The following OR2T8 variants were observed in gnomAD, a reference collection of about 807,000 sequenced individuals.
OR2T8 encodes the protein olfactory receptor 2T8.
For missense variants in OR2T8, 161 were observed against 389.4 expected (o/e 0.41, Z 4.94); for synonymous variants, 56 against 154.3 (o/e 0.36, Z 4.72).
In OR2T8 at chr1:247,922,374, A is replaced by T. The variant is rs941838166; in HGVS notation, c.*418A>T. On this transcript the variant is annotated 3_prime_UTR_variant, in exon 2 of 2. Coordinates refer to ENST00000641945, the MANE Select transcript of OR2T8 (RefSeq NM_001005522.2). Reference sequence around the variant, plus strand: ...AAATATCTACCCTGGTAATTCACCCATTAGGAAGAGACACCATTTTCACCA... The same window carrying T: ...AAATATCTACCCTGGTAATTCACCCTTTAGGAAGAGACACCATTTTCACCA... Among the ~76,000 whole-genome samples, 3 of 152,214 alleles carry T rather than the reference A, an allele frequency of 2.0e-5. No individual in the cohort carries two copies. Among genetic ancestry groups the T allele is most frequent in the African/African-American group, 7.2e-5 (3 of 41,452 alleles).
At position 247,922,117 on chromosome 1, in the gene OR2T8, C is replaced by T. The variant is rs1170963176; in HGVS notation, c.*161C>T. ...CAGATGAATCTTCATTCCTCGGGTT[C>T]ATTTACTCAGCTATCATTACCCAAT... is the stretch of plus-strand genomic sequence containing the variant. On this transcript the variant is annotated 3_prime_UTR_variant, in exon 2 of 2. Transcript: ENST00000641945. The T allele has an allele frequency of 3.1e-6, 1 of 319,754 alleles. No individual in the cohort carries two copies. The highest frequency in any genetic ancestry group is 6.5e-5 in the Admixed American group (1 of 15,434). 19.8% of individuals were successfully genotyped at this position (319,754 alleles called of 1,614,324 possible).
In OR2T8 at chr1:247,921,073, C is replaced by G. The variant is rs111864667; in HGVS notation, c.56C>G (p.Thr19Ser). 5.9e-4 allele frequency: 953 copies of G among 1,611,086 alleles called. 8 individuals carry two copies. In the African/African-American group the frequency reaches 0.012, roughly 20 times the overall value. The change falls in exon 2 of 2, where the codon ACC (threonine) becomes AGC (serine). Residue 19 changes from threonine to serine, a missense_variant. Thr to Ser is a moderately conservative substitution (Grantham distance 58). Coordinates refer to ENST00000641945, the MANE Select transcript of OR2T8 (RefSeq NM_001005522.2). ...ATTCTCCTAGGACTCTTTAACCACA[C>G]CAGAGCCCACCAAGTCCTCTTCATG... is the stretch of plus-strand genomic sequence containing the variant. ...YFILLGLFNH[T>S]RAHQVLFMMV...
Position 247,921,017 on chromosome 1 carries a change from C to G in OR2T8, c.-1C>G. 6.3e-7 allele frequency: 1 copy of G among 1,593,790 alleles called. No homozygotes were observed. ...TTGCAGTGTCACTCTTATTTGAAATCATGGAAAATGGGAGCTATACCTCTT... is the reference window on the plus strand; with the variant it reads ...TTGCAGTGTCACTCTTATTTGAAATGATGGAAAATGGGAGCTATACCTCTT... On this transcript the variant is annotated 5_prime_UTR_variant, in exon 2 of 2. In the 5' UTR this introduces an upstream ATG that the reference lacks. Transcript: ENST00000641945.
At position 247,922,905 on chromosome 1, in the gene OR2T8, T is replaced by C. The variant is rs970789534; in HGVS notation, c.*949T>C. On this transcript the variant is annotated 3_prime_UTR_variant, in exon 2 of 2. Coordinates refer to ENST00000641945, the MANE Select transcript of OR2T8 (RefSeq NM_001005522.2). Reference sequence around the variant, plus strand: ...TTCATTTTAGCAATTCTTCTGAGTGTAGTAGGAACTCAGTTTGCTTTTAAT... The same window carrying C: ...TTCATTTTAGCAATTCTTCTGAGTGCAGTAGGAACTCAGTTTGCTTTTAAT... Among the ~76,000 whole-genome samples the C allele has an allele frequency of 6.6e-6, 1 of 152,234 alleles. No homozygotes were observed. The highest frequency in any genetic ancestry group is 2.1e-4 in the South Asian group (1 of 4,834).
In OR2T8 at chr1:247,921,032, C is replaced by A; in HGVS notation, c.15C>A (p.Ser5Arg). MENG[S>R]YTSYFILLGL... Reference sequence around the variant, plus strand: ...TATTTGAAATCATGGAAAATGGGAGCTATACCTCTTATTTCATTCTCCTAG... The same window carrying A: ...TATTTGAAATCATGGAAAATGGGAGATATACCTCTTATTTCATTCTCCTAG... Residue 5 changes from serine to arginine, a missense_variant, in exon 2 of 2, where the codon AGC (serine) becomes AGA (arginine). Transcript: ENST00000641945. The A allele has an allele frequency of 6.2e-7, 1 of 1,607,300 alleles. No homozygotes were observed. Among genetic ancestry groups the A allele is most frequent in the Non-Finnish European group, 8.5e-7 (1 of 1,175,604 alleles).
Position 247,921,236 on chromosome 1 carries a change from C to T in OR2T8, c.219C>T (p.Ser73=). The change falls in exon 2 of 2, where the codon TCC becomes TCT. Residue 73 remains serine, a synonymous_variant. Coordinates refer to ENST00000641945, the MANE Select transcript of OR2T8 (RefSeq NM_001005522.2). ...CCCTCATGGACGTGATGCTGGTTTC[C>T]ACCACTGTGCCCAAAATGGCGGCTG... The part of the protein sequence containing the change: ...QLSLMDVMLV[S]TTVPKMAADY... The T allele has an allele frequency of 6.3e-7, 1 of 1,598,680 alleles. No individual in the cohort carries two copies. Among genetic ancestry groups the T allele is most frequent in the Non-Finnish European group, 8.5e-7 (1 of 1,175,640 alleles).
In OR2T8 at chr1:247,922,874, G is replaced by T. The variant is rs1223629311; in HGVS notation, c.*918G>T. On this transcript the variant is annotated 3_prime_UTR_variant, in exon 2 of 2. Transcript: ENST00000641945. ...AGTTCCTGTTGCTCCAAATGTCGAT[G>T]TTTTCTTCATTTTAGCAATTCTTCT... Among the ~76,000 whole-genome samples, 2 of 152,142 alleles carry T rather than the reference G, an allele frequency of 1.3e-5. No individual in the cohort carries two copies. The highest frequency in any genetic ancestry group is 3.8e-4 in the East Asian group (2 of 5,200).
chr1:247,921,027 G>A lies in OR2T8; in HGVS notation c.10G>A (p.Gly4Arg), dbSNP rs1271886863. Residue 4 changes from glycine to arginine, a missense_variant, in exon 2 of 2, where the codon GGG (glycine) becomes AGG (arginine). Physicochemically the swap from Gly to Arg is moderately radical, Grantham distance 125. Coordinates refer to ENST00000641945, the MANE Select transcript of OR2T8 (RefSeq NM_001005522.2). ...ACTCTTATTTGAAATCATGGAAAATGGGAGCTATACCTCTTATTTCATTCT... is the reference window on the plus strand; with the variant it reads ...ACTCTTATTTGAAATCATGGAAAATAGGAGCTATACCTCTTATTTCATTCT... The part of the protein sequence containing the change: MEN[G>R]SYTSYFILLG... 2 of 1,598,132 alleles carry A rather than the reference G, an allele frequency of 1.3e-6. No individual in the cohort carries two copies. The highest frequency in any genetic ancestry group is 2.2e-5 in the South Asian group (2 of 89,650).
chr1:247,921,893 C>T lies in OR2T8; in HGVS notation c.876C>T (p.Asn292=). The part of the protein sequence containing the change: ...LLNPLIYSVK[N]SEVKGALTRC... ...ACCCCCTCATCTACAGTGTGAAGAA[C>T]AGTGAGGTGAAGGGAGCCCTGACAA... Residue 292 remains asparagine, a synonymous_variant, in exon 2 of 2, where the codon AAC becomes AAT. Transcript: ENST00000641945. 6.2e-7 allele frequency: 1 copy of T among 1,614,058 alleles called. No homozygotes were observed. The highest frequency in any genetic ancestry group is 8.5e-7 in the Non-Finnish European group (1 of 1,180,016).
Position 247,921,862 on chromosome 1 carries a change from T to C in OR2T8, c.845T>C (p.Leu282Ser). 1 of 1,613,834 alleles carries C rather than the reference T, an allele frequency of 6.2e-7. No homozygotes were observed. Among genetic ancestry groups the C allele is most frequent in the Non-Finnish European group, 8.5e-7 (1 of 1,179,948 alleles). Residue 282 changes from leucine (L) to serine (S), a missense_variant, in exon 2 of 2, where the codon TTA becomes TCA. Transcript: ENST00000641945. ...VSAFYTMFTP[L>S]LNPLIYSVKN... ...GCCTTCTATACTATGTTCACCCCTT[T>C]ACTAAACCCCCTCATCTACAGTGTG...
At position 247,922,870 on chromosome 1, in the gene OR2T8, C is replaced by T. The variant is rs1183636011; in HGVS notation, c.*914C>T. Among the ~76,000 whole-genome samples, 1 of 152,128 alleles carries T rather than the reference C, an allele frequency of 6.6e-6. No homozygotes were observed. Among genetic ancestry groups the T allele is most frequent in the Non-Finnish European group, 1.5e-5 (1 of 68,032 alleles). ...CACAAGTTCCTGTTGCTCCAAATGT[C>T]GATGTTTTCTTCATTTTAGCAATTC... On this transcript the variant is annotated 3_prime_UTR_variant, in exon 2 of 2. Transcript: ENST00000641945.
rs927867571 is a variant in OR2T8, at chr1:247,921,037, C to T, written c.20C>T (p.Thr7Ile). MENGSY[T>I]SYFILLGLFN... is the part of the protein sequence containing the mutation. ...GAAATCATGGAAAATGGGAGCTATA[C>T]CTCTTATTTCATTCTCCTAGGACTC... The change falls in exon 2 of 2, where the codon ACC becomes ATC. Residue 7 changes from threonine (T) to isoleucine (I), a missense_variant. Physicochemically the swap from Thr to Ile is moderately conservative, Grantham distance 89. Transcript: ENST00000641945. 3.7e-6 allele frequency: 6 copies of T among 1,609,104 alleles called. No homozygotes were observed. The highest frequency in any genetic ancestry group is 5.1e-6 in the Non-Finnish European group (6 of 1,176,744).
At position 247,922,464 on chromosome 1, in the gene OR2T8, T is replaced by C. The variant is rs1660036737; in HGVS notation, c.*508T>C. ...CAGGCCTAAGATACATCCACTGCTC[T>C]AATTTTTATCTCTGTTCGTTAGTTT... On this transcript the variant is annotated 3_prime_UTR_variant, in exon 2 of 2. Transcript: ENST00000641945. 6.6e-6 allele frequency among the ~76,000 whole-genome samples: 1 copy of C among 152,232 alleles called. No individual in the cohort carries two copies. Among genetic ancestry groups the C allele is most frequent in the Admixed American group, 6.5e-5 (1 of 15,284 alleles).
rs1290314558 is a variant in OR2T8 at position 247,922,350 on chromosome 1, A to G, written c.*394A>G. Among the ~76,000 whole-genome samples the G allele has an allele frequency of 1.3e-5, 2 of 152,176 alleles. No individual in the cohort carries two copies. The highest frequency in any genetic ancestry group is 4.8e-5 in the African/African-American group (2 of 41,432). On this transcript the variant is annotated 3_prime_UTR_variant, in exon 2 of 2. Transcript: ENST00000641945. ...TGTTCCTTTTCAACTAATTTCCACA[A>G]ATATCTACCCTGGTAATTCACCCAT... is the stretch of plus-strand genomic sequence containing the variant.
chr1:247,920,991 T>C lies in OR2T8; in HGVS notation c.-20-7T>C. The C allele has an allele frequency of 6.4e-7, 1 of 1,550,828 alleles. No homozygotes were observed. The highest frequency in any genetic ancestry group is 1.4e-5 in the African/African-American group (1 of 73,620). On this transcript the variant is annotated splice_region_variant and splice_polypyrimidine_tract_variant and intron_variant, in intron 1 of 1. Transcript: ENST00000641945. The stretch of plus-strand genomic sequence containing the variant: ...AAACACTCTGTCTTCTTTTTCTCCA[T>C]TTGCAGTGTCACTCTTATTTGAAAT...
In OR2T8 at chr1:247,921,617, C is replaced by CTG; in HGVS notation, c.606_607dup (p.Leu203CysfsTer2). 7.5e-7 allele frequency: 1 copy of CTG among 1,336,950 alleles called. No homozygotes were observed. The highest frequency in any genetic ancestry group is 1.1e-6 in the Non-Finnish European group (1 of 951,842). The allele number at this position is 1,336,950 out of a possible 1,614,324, so 82.8% of individuals were successfully genotyped here. A position where few individuals can be genotyped will look rare whatever the true frequency, so the allele number is the denominator to read the frequency against. On this transcript the variant is annotated frameshift_variant, in exon 2 of 2. Coordinates refer to ENST00000641945, the MANE Select transcript of OR2T8 (RefSeq NM_001005522.2). LOFTEE classifies it low-confidence loss of function (END_TRUNC). The stretch of plus-strand genomic sequence containing the variant: ...TCTTCGAAAACGCCATGTACATCTG[C>CTG]TGTGTGTTAATGCTCCTGGTCCCCT...
chr1:247,920,697 T>C (rs1253927810), intron 1 of OR2T8, among the ~76,000 whole-genome samples, 179 bp downstream of exon 1: 2 of 152,224 alleles, frequency 1.3e-5, no homozygotes, highest in African/African-American at 2.4e-5. Context: ...CACTCACTTA[T>C]GATGGTACCA....
chr1:247,922,282 A>C lies in OR2T8; in HGVS notation c.*326A>C, dbSNP rs571357978. Among the ~76,000 whole-genome samples the C allele has an allele frequency of 6.6e-6, 1 of 152,344 alleles. No individual in the cohort carries two copies. Among genetic ancestry groups the C allele is most frequent in the African/African-American group, 2.4e-5 (1 of 41,584 alleles). ...TGAAAGTTGTTGCCATTTGTTTCAAATTGAGGTGTAGCTTACACACAGTAG... is the reference window on the plus strand; with the variant it reads ...TGAAAGTTGTTGCCATTTGTTTCAACTTGAGGTGTAGCTTACACACAGTAG... On this transcript the variant is annotated 3_prime_UTR_variant, in exon 2 of 2. Coordinates refer to ENST00000641945, the MANE Select transcript of OR2T8 (RefSeq NM_001005522.2).
rs1660034571 is a variant in OR2T8, at chr1:247,922,326, G to A, written c.*370G>A. Among the ~76,000 whole-genome samples the A allele has an allele frequency of 6.6e-6, 1 of 152,162 alleles. No individual in the cohort carries two copies. Among genetic ancestry groups the A allele is most frequent in the African/African-American group, 2.4e-5 (1 of 41,452 alleles). On this transcript the variant is annotated 3_prime_UTR_variant, in exon 2 of 2. Coordinates refer to ENST00000641945, the MANE Select transcript of OR2T8 (RefSeq NM_001005522.2). The stretch of plus-strand genomic sequence containing the variant: ...ACAGTAGAATGCTCGCATTTAAGAT[G>A]TTCCTTTTCAACTAATTTCCACAAA...
Sources: allele counts gnomAD v4.1 joint callset (sites outside exome capture counted in the v4.1 genomes callset), GRCh38; gene constraint gnomAD v4.1.1; transcripts MANE v1.5; gene names NCBI Gene and HGNC (gene_info 2026-07-23, HGNC 2026-07-21).